The following ADK variants were observed in gnomAD, a reference collection of about 807,000 sequenced individuals.
ADK encodes the protein N6,N6-dimethyladenosine kinase.
ADK carries 24 observed loss-of-function variants against 44.7 expected under a neutral mutation model. The observed-to-expected ratio is 0.54, with a 90% confidence interval of 0.39 to 0.76. The LOEUF (loss-of-function observed/expected upper bound fraction) is 0.76, where lower values mean the gene tolerates loss of function less well. ADK is among the 30% of genes least tolerant of loss of function. The pLI is 0.00. For synonymous variants in ADK, 128 were observed against 142.6 expected, an observed-to-expected ratio of 0.90 and a Z score of 0.73; for missense variants, 321 against 425.1, an observed-to-expected ratio of 0.76 and a Z score of 2.15.
intron 3 of ADK, among the ~76,000 whole-genome samples, chr10:74,300,276 T>C (rs1372321058): frequency 4.0e-5 from 2 of 50,256 alleles, no homozygotes; most frequent in Non-Finnish European, 9.3e-5. Flanking sequence ...CCTTCCTTCC[T>C]TCCTTCCTTC....
chr10:74,350,740 A>G (rs931235639), intron 4 of ADK, among the ~76,000 whole-genome samples: 1 of 152,248 alleles, frequency 6.6e-6, no homozygotes, highest in African/African-American at 2.4e-5. Context: ...GGATATCACC[A>G]CTATTCTCAG....
intron 7 of ADK, among the ~76,000 whole-genome samples, chr10:74,528,956 G>C (rs1849172012): frequency 6.6e-6 from 1 of 152,138 alleles, no homozygotes; most frequent in Non-Finnish European, 1.5e-5. Flanking sequence ...CAATTTGGTG[G>C]TTCCTCAAAA....
At chr10:74,199,270 G>T (rs1013933810) in intron 1 of ADK, among the ~76,000 whole-genome samples, 3 of 152,094 alleles carry the variant, frequency 2.0e-5, no homozygotes, top group African/African-American at 4.8e-5. Context: ...GTTTGGTTTT[G>T]TAATGATCCC....
At chr10:74,517,594 T>C (rs1175373607) in intron 6 of ADK, among the ~76,000 whole-genome samples, 1 of 149,584 alleles carries the variant, frequency 6.7e-6, no homozygotes, top group Non-Finnish European at 1.5e-5. Flanking sequence ...GAGGCAGAGG[T>C]GGGAGGATCA....
At chr10:74,688,227 C>G (rs1048842906) in intron 10 of ADK, among the ~76,000 whole-genome samples, 2 of 152,188 alleles carry the variant, frequency 1.3e-5, no homozygotes, top group African/African-American at 4.8e-5. Context: ...GGTCCCTTGA[C>G]TAATATTCTC....
intron 9 of ADK, among the ~76,000 whole-genome samples, chr10:74,634,275 C>T (rs185605834): frequency 2.0e-5 from 3 of 152,016 alleles, no homozygotes; most frequent in East Asian, 1.9e-4. Flanking sequence ...AGTGCAGTGG[C>T]GCGATCTCGG....
chr10:74,216,082 A>G (rs1052545939), intron 2 of ADK, among the ~76,000 whole-genome samples: 5 of 152,036 alleles, frequency 3.3e-5, no homozygotes, highest in African/African-American at 7.2e-5. Context: ...TCTGTCTTGA[A>G]TTTGCATTTC....
At chr10:74,303,978 A>G (rs1156515026) in intron 3 of ADK, among the ~76,000 whole-genome samples, 2 of 152,062 alleles carry the variant, frequency 1.3e-5, no homozygotes, top group Admixed American at 6.6e-5. Context: ...CTCAAAAAAA[A>G]AAAAAGGTAT....
chr10:74,180,456 CTT>C (rs1199684944), intron 1 of ADK, among the ~76,000 whole-genome samples: 902 of 68,108 alleles, frequency 0.013, 3 homozygotes, highest in East Asian at 0.022. Flanking sequence ...CCAGGCTAGT[CTT>C]TTTTTTTTTT....
intron 7 of ADK, among the ~76,000 whole-genome samples, chr10:74,571,101 C>T (rs1203796425): frequency 2.0e-5 from 3 of 152,088 alleles, no homozygotes; most frequent in African/African-American, 4.8e-5. Context: ...TATTGATTTG[C>T]GTATATTGAA....
chr10:74,172,919 AAC>A (rs1842209352), intron 1 of ADK, among the ~76,000 whole-genome samples: 2 of 151,702 alleles, frequency 1.3e-5, no homozygotes, highest in African/African-American at 2.4e-5. Context: ...AAAAAAAAAA[AAC>A]GGTTAGATGC....
chr10:74,503,390 A>G (rs1289506045), intron 6 of ADK, among the ~76,000 whole-genome samples: 2 of 152,340 alleles, frequency 1.3e-5, no homozygotes, highest in African/African-American at 4.8e-5. Context: ...TATATAGGAA[A>G]GATAGATTAC....
At chr10:74,617,711 T>G (rs937443867) in intron 9 of ADK, among the ~76,000 whole-genome samples, 35 of 152,058 alleles carry the variant, frequency 2.3e-4, no homozygotes, top group Non-Finnish European at 4.4e-5. Flanking sequence ...TCCTCCCACT[T>G]CAGCCTCCCA....
rs543845541 is a variant in ADK, at chr10:74,669,795, A to G, written c.878-388A>G. ...TAACTGTATCCAACATTTCACTGCC[A>G]GGAATATAGTCAGGCTCGAAGCTTT... On this transcript the variant is annotated intron_variant, in intron 9 of 10. Coordinates refer to ENST00000539909, the MANE Select transcript of ADK (RefSeq NM_006721.4). Among the ~76,000 whole-genome samples the G allele has an allele frequency of 5.3e-5, 8 of 152,296 alleles. No individual in the cohort carries two copies. The East Asian group carries it at 5.8e-4, about 11-fold the overall frequency.
chr10:74,383,408 G>GTCTCTGTCTCTGTCTCTC (rs775224013), intron 4 of ADK, among the ~76,000 whole-genome samples: 7 of 150,216 alleles, frequency 4.7e-5, no homozygotes, highest in African/African-American at 1.2e-4. Context: ...CTCTGTCTCT[G>GTCTCTGTCTCTGTCTCTC]TCTCTCTCTC....
At chr10:74,217,647 A>C (rs1844109288) in intron 2 of ADK, among the ~76,000 whole-genome samples, 1 of 152,170 alleles carries the variant, frequency 6.6e-6, no homozygotes, top group Non-Finnish European at 1.5e-5. Context: ...GACAACTCAC[A>C]TGGCCGGGTA....
chr10:74,260,761 A>C (rs1846011213), intron 3 of ADK, among the ~76,000 whole-genome samples: 1 of 152,160 alleles, frequency 6.6e-6, no homozygotes, highest in African/African-American at 2.4e-5. Flanking sequence ...TTCTTCCATT[A>C]ATTTAAATAT....
At chr10:74,557,771 G>A (rs996825084) in intron 7 of ADK, among the ~76,000 whole-genome samples, 4 of 152,134 alleles carry the variant, frequency 2.6e-5, no homozygotes, top group Non-Finnish European at 5.9e-5. Flanking sequence ...AGGCAAAATT[G>A]TTAATCAATA....
intron 9 of ADK, among the ~76,000 whole-genome samples, chr10:74,627,293 T>G (rs766354016): frequency 2.0e-5 from 3 of 152,002 alleles, no homozygotes; most frequent in Non-Finnish European, 2.9e-5. Context: ...CTGAGAAACA[T>G]AGCGAGACCT....
Sources: gnomAD v4.1 joint callset for allele counts (sites outside exome capture counted in the v4.1 genomes callset) on GRCh38, gnomAD v4.1.1 for gene constraint, MANE v1.5 for transcripts, NCBI Gene and HGNC (gene_info 2026-07-23, HGNC 2026-07-21) for gene names.